Variants in VPS13B observed in about 807,000 individuals in gnomAD.
The protein encoded by VPS13B is vacuolar protein sorting 13 homolog B.
A neutral mutation model predicts 426.4 loss-of-function variants in VPS13B; 285 were observed. That is an observed-to-expected ratio of 0.67 (90% confidence interval 0.61 to 0.74). VPS13B has a LOEUF of 0.74. VPS13B is among the 30% of genes least tolerant of loss of function. The pLI, the probability that VPS13B is intolerant of heterozygous loss-of-function variation, is 0.00. For synonymous variants in VPS13B, 1,676 were observed against 1,676.4 expected (o/e 1.00, Z 0.01); for missense variants, 4,537 against 4,782.6 (o/e 0.95, Z 1.51).
chr8:99,627,231 ATT>A (rs925635276), intron 33 of VPS13B, among the ~76,000 whole-genome samples: 15 of 152,068 alleles, frequency 9.9e-5, no homozygotes, highest in African/African-American at 3.4e-4. Context: ...ATAATAATGT[ATT>A]ATATATTTCA....
At chr8:99,645,904 A>G (rs1434123511) in intron 34 of VPS13B, among the ~76,000 whole-genome samples, 1 of 152,196 alleles carries the variant, frequency 6.6e-6, no homozygotes, top group Non-Finnish European at 1.5e-5. Flanking sequence ...CTGTTCCATA[A>G]CTGGTGTTTT....
chr8:99,205,329 G>C (rs949656716), intron 17 of VPS13B, among the ~76,000 whole-genome samples: 4 of 152,030 alleles, frequency 2.6e-5, no homozygotes, highest in Admixed American at 6.6e-5. Context: ...ACAGGGAGGG[G>C]AACATCACAC....
At chr8:99,658,628 C>T (rs1830105983) in intron 34 of VPS13B, among the ~76,000 whole-genome samples, 1 of 152,042 alleles carries the variant, frequency 6.6e-6, no homozygotes, top group Non-Finnish European at 1.5e-5. Context: ...TACACACTTA[C>T]CTGACTTCTT....
At chr8:99,156,042 CAT>C (rs550732120) in intron 14 of VPS13B, among the ~76,000 whole-genome samples, 197 of 152,284 alleles carry the variant, frequency 1.3e-3, no homozygotes, top group African/African-American at 4.4e-3. Context: ...GAGCCCTTAA[CAT>C]GTGTATTGTT....
intron 43 of VPS13B, among the ~76,000 whole-genome samples, chr8:99,792,840 T>C (rs1812619018): frequency 6.6e-6 from 1 of 152,040 alleles, no homozygotes; most frequent in African/African-American, 2.4e-5. Flanking sequence ...TGACCAACAG[T>C]CACTGTGAGA....
chr8:99,298,419 G>A (rs1339730769), intron 19 of VPS13B, among the ~76,000 whole-genome samples: 1 of 152,138 alleles, frequency 6.6e-6, no homozygotes, highest in East Asian at 1.9e-4. Flanking sequence ...AACCTGGGAG[G>A]CAGAGGTTCC....
intron 19 of VPS13B, among the ~76,000 whole-genome samples, chr8:99,343,089 TTTTC>T (rs1000601240): frequency 6.6e-6 from 1 of 151,890 alleles, no homozygotes; most frequent in African/African-American, 2.4e-5. Context: ...TATTGCCCAT[TTTTC>T]TTTCTTTTTT....
chr8:99,274,366 C>T, intron 18 of VPS13B, 34 bp downstream of exon 18: 3 of 1,613,850 alleles, frequency 1.9e-6, no homozygotes, highest in Non-Finnish European at 2.5e-6. Flanking sequence ...AACTTTATTG[C>T]CTGTATAGGA....
At chr8:99,103,340 T>G (rs2132454968) in intron 5 of VPS13B, among the ~76,000 whole-genome samples, 1 of 152,192 alleles carries the variant, frequency 6.6e-6, no homozygotes, top group African/African-American at 2.4e-5. Context: ...TTTTGTTTGT[T>G]TGTTTTTGAG....
chr8:99,174,838 T>C (rs1048202259), intron 16 of VPS13B, among the ~76,000 whole-genome samples: 7 of 152,180 alleles, frequency 4.6e-5, no homozygotes, highest in African/African-American at 1.7e-4. Flanking sequence ...AATTGCTCCA[T>C]GTAGATTGTC....
intron 17 of VPS13B, among the ~76,000 whole-genome samples, chr8:99,269,911 T>C (rs1349908309): frequency 6.6e-6 from 1 of 152,000 alleles, no homozygotes; most frequent in Non-Finnish European, 1.5e-5. Context: ...AACTTTTATA[T>C]AAAAATCCCT....
chr8:99,062,231 AT>A (rs1380948146), intron 3 of VPS13B, among the ~76,000 whole-genome samples: 1 of 152,190 alleles, frequency 6.6e-6, no homozygotes, highest in Non-Finnish European at 1.5e-5. Context: ...TTTCCTGTAA[AT>A]AAGATTAGTC....
intron 19 of VPS13B, among the ~76,000 whole-genome samples, chr8:99,334,588 C>T (rs1810719512): frequency 6.6e-6 from 1 of 152,098 alleles, no homozygotes; most frequent in Non-Finnish European, 1.5e-5. Context: ...TGTCAAAGGC[C>T]TTTTCTGCAT....
intron 33 of VPS13B, among the ~76,000 whole-genome samples, chr8:99,631,026 C>CA (rs1322626361): frequency 6.6e-6 from 1 of 152,064 alleles, no homozygotes; most frequent in African/African-American, 2.4e-5. Flanking sequence ...TGGTAAAAGA[C>CA]ATTAAAAATG....
At chr8:99,139,307 A>G (rs1274303525) in intron 12 of VPS13B, among the ~76,000 whole-genome samples, 1 of 152,158 alleles carries the variant, frequency 6.6e-6, no homozygotes, top group Non-Finnish European at 1.5e-5. Context: ...CCCATTTTAC[A>G]GATGAGGAAA....
intron 30 of VPS13B, among the ~76,000 whole-genome samples, chr8:99,528,422 G>T (rs1822762484): frequency 6.6e-6 from 1 of 152,044 alleles, no homozygotes; most frequent in Non-Finnish European, 1.5e-5. Flanking sequence ...GACACCAATA[G>T]TAGATATATA....
At chr8:99,481,571 T>G (rs1187794144) in intron 24 of VPS13B, 28 bp from the exon 25 acceptor site, 1 of 1,608,494 alleles carries the variant, frequency 6.2e-7, no homozygotes, top group Non-Finnish European at 8.5e-7. Flanking sequence ...AAAGACTTGT[T>G]TTCTTTTCTT....
Position 99,832,363 on chromosome 8 carries a change from TTTTA to T in VPS13B, c.9331-5_9331-2del. 1 of 1,493,228 alleles carries T rather than the reference TTTTA, an allele frequency of 6.7e-7. No individual in the cohort carries two copies. The highest frequency in any genetic ancestry group is 1.3e-5 in the South Asian group (1 of 78,452). 92.5% of individuals were successfully genotyped at this position (1,493,228 alleles called of 1,614,324 possible). A position where few individuals can be genotyped will look rare whatever the true frequency, so the allele number is the denominator to read the frequency against. On this transcript the variant is annotated splice_acceptor_variant and splice_polypyrimidine_tract_variant and intron_variant, in intron 51 of 61. Coordinates refer to ENST00000357162, the MANE Select transcript of VPS13B (RefSeq NM_152564.5). LOFTEE classifies it high-confidence loss of function. The stretch of plus-strand genomic sequence containing the variant: ...TGCATTTTTTTTTTTTTTTTTTTTT[TTTTA>T]GTATTTTCGTGTTCCAGACAGTGCT...
intron 17 of VPS13B, among the ~76,000 whole-genome samples, chr8:99,270,131 C>CTTAAGAATCTTTTTTTTTTTTTT (rs1818502967): frequency 3.3e-5 from 1 of 30,312 alleles, no homozygotes; most frequent in Non-Finnish European, 6.0e-5. Context: ...ATATAAGAAT[C>CTTAAGAATCTTTTTTTTTTTTTT]TTTTTTTTTT....
Sources: gnomAD v4.1 joint callset for allele counts (sites outside exome capture counted in the v4.1 genomes callset) on GRCh38, gnomAD v4.1.1 for gene constraint, MANE v1.5 for transcripts, NCBI Gene and HGNC (gene_info 2026-07-23, HGNC 2026-07-21) for gene names.